The following PROSER1 variants were observed in gnomAD, a reference collection of about 807,000 sequenced individuals.
The protein encoded by PROSER1 is proline and serine-rich protein 1.
PROSER1 carries 36 observed loss-of-function variants against 71.8 expected under a neutral mutation model. The ratio of observed to expected loss-of-function variants is 0.50; its 90% CI spans 0.38 to 0.66. The LOEUF is 0.66. Among genes scored for constraint, PROSER1 ranks in the 30% least tolerant of loss-of-function variants. PROSER1 has a pLI of 0.00. For missense variants in PROSER1, 1,107 were observed against 1,135.0 expected (o/e 0.98, Z 0.35); for synonymous variants, 490 against 452.4 (o/e 1.08, Z -1.06).
In PROSER1 at chr13:39,026,348, A is replaced by G; in HGVS notation, c.409T>C (p.Ser137Pro). ...GGCKAPHAMI[S>P]SCGTIPGNPY... ...TTTCCTGGGATTGTTCCACAAGAAGATATCATAGCATGAGGAGCTTTGCAG... is the reference window on the plus strand; with the variant it reads ...TTTCCTGGGATTGTTCCACAAGAAGGTATCATAGCATGAGGAGCTTTGCAG... The change falls in exon 6 of 13, where the codon TCT becomes CCT. Residue 137 changes from serine to proline, a missense_variant. Transcript: ENST00000352251. The G allele has an allele frequency of 6.2e-7, 1 of 1,612,472 alleles. No homozygotes were observed. Among genetic ancestry groups the G allele is most frequent in the Non-Finnish European group, 8.5e-7 (1 of 1,179,552 alleles).
chr13:39,035,601 A>T (rs1871063479), intron 1 of PROSER1, among the ~76,000 whole-genome samples: 1 of 152,116 alleles, frequency 6.6e-6, no homozygotes, highest in African/African-American at 2.4e-5. Flanking sequence ...TTTTTGAATA[A>T]TCAGTTAACC....
In PROSER1 at chr13:39,011,272, G is replaced by A. The variant is rs559827838; in HGVS notation, c.*93C>T. 2.7e-5 allele frequency: 36 copies of A among 1,333,484 alleles called. No individual in the cohort carries two copies. The African/African-American group carries it at 3.4e-4, about 13-fold the overall frequency. The allele number at this position is 1,333,484 out of a possible 1,614,324, so 82.6% of individuals were successfully genotyped here. On this transcript the variant is annotated 3_prime_UTR_variant, in exon 13 of 13. Transcript: ENST00000352251. ...AGGATTACCCTCATTCTCATTTTCCGACTTTTGGCCAGCTTCACATTTGTC... is the reference window on the plus strand; with the variant it reads ...AGGATTACCCTCATTCTCATTTTCCAACTTTTGGCCAGCTTCACATTTGTC...
rs768161028 is a variant in PROSER1 at position 39,011,129 on chromosome 13, C to T, written c.*236G>A. On this transcript the variant is annotated 3_prime_UTR_variant, in exon 13 of 13. Transcript: ENST00000352251. Reference sequence around the variant, plus strand: ...AAATTTTATAGGACAGGTGAAAAGTCTCCAAACACTTTTTAAATACCATTC... The same window carrying T: ...AAATTTTATAGGACAGGTGAAAAGTTTCCAAACACTTTTTAAATACCATTC... 2.2e-6 allele frequency: 1 copy of T among 454,306 alleles called. No homozygotes were observed. Among genetic ancestry groups the T allele is most frequent in the South Asian group, 2.6e-5 (1 of 38,396 alleles). 28.1% of individuals were successfully genotyped at this position (454,306 alleles called of 1,614,324 possible). A position where few individuals can be genotyped will look rare whatever the true frequency, so the allele number is the denominator to read the frequency against.
At chr13:39,014,574 T>C in intron 10 of PROSER1, 98 bp from the exon 11 acceptor site, 1 of 861,942 alleles carries the variant, frequency 1.2e-6, no homozygotes, top group South Asian at 1.8e-5. Context: ...ATTTAACAAA[T>C]ACCAAATAAA....
Position 39,013,697 on chromosome 13 carries a change from A to T in PROSER1, c.1555T>A (p.Tyr519Asn), listed in dbSNP as rs779099488. The T allele has an allele frequency of 2.5e-6, 4 of 1,614,194 alleles. No individual in the cohort carries two copies. The highest frequency in any genetic ancestry group is 3.4e-6 in the Non-Finnish European group (4 of 1,180,028). The change falls in exon 11 of 13, where the codon TAT (tyrosine) becomes AAT (asparagine). Residue 519 changes from tyrosine (Y) to asparagine (N), a missense_variant. Transcript: ENST00000352251. ...GGGGTAGGGATGGCTGATGGGGCAT[A>T]GCACTTGTTAGGGGCTGAAGCAGAA... ...DSSASAPNKC[Y>N]APSAIPTPQR...
chr13:39,013,395 G>C lies in PROSER1; in HGVS notation c.1857C>G (p.Phe619Leu), dbSNP rs1263072965. The C allele has an allele frequency of 6.2e-7, 1 of 1,614,166 alleles. No homozygotes were observed. ...TEPTSPTPSA[F>L]KGPSHSGNPS... ...GATTCCCAGAATGAGATGGACCTTT[G>C]AAGGCCGAGGGAGTAGGACTTGTGG... Residue 619 changes from phenylalanine (F) to leucine (L), a missense_variant, in exon 11 of 13, where the codon TTC (phenylalanine) becomes TTG (leucine). Transcript: ENST00000352251.
In PROSER1 at chr13:39,012,111, G is replaced by A. The variant is rs754427364; in HGVS notation, c.2684C>T (p.Ala895Val). Residue 895 changes from alanine to valine, a missense_variant, in exon 12 of 13, where the codon GCG (alanine) becomes GTG (valine). Coordinates refer to ENST00000352251, the MANE Select transcript of PROSER1 (RefSeq NM_025138.5). Reference protein sequence around the residue: ...QSSLQELQHNAAAQSALLQQV... With the variant: ...QSSLQELQHNVAAQSALLQQV... ...CTGTAACAATGCTGACTGCGCAGCC[G>A]CATTATGCTGTAATTCTTGCAAGGA... 62 of 1,613,924 alleles carry A rather than the reference G, an allele frequency of 3.8e-5. No homozygotes were observed. The Middle Eastern group carries it at 4.9e-4, about 13-fold the overall frequency.
chr13:39,014,711 AG>A (rs1245831893), intron 10 of PROSER1, among the ~76,000 whole-genome samples: 3 of 152,172 alleles, frequency 2.0e-5, no homozygotes, highest in African/African-American at 7.2e-5. Flanking sequence ...TCCAAATCAC[AG>A]GAAGTTTTGA....
At chr13:39,024,828 C>G (rs1379206126) in intron 6 of PROSER1, among the ~76,000 whole-genome samples, 5 of 152,036 alleles carry the variant, frequency 3.3e-5, no homozygotes, top group Admixed American at 3.3e-4. Context: ...ATAAGGTATC[C>G]ACAGGGACTG....
At position 39,031,640 on chromosome 13, in the gene PROSER1, A is replaced by G. The variant is rs1870848812; in HGVS notation, c.112-9T>C. 3.1e-6 allele frequency: 5 copies of G among 1,611,118 alleles called. No individual in the cohort carries two copies. The Admixed American group carries it at 6.7e-5, about 22-fold the overall frequency. On this transcript the variant is annotated splice_polypyrimidine_tract_variant and intron_variant, in intron 2 of 12. Coordinates refer to ENST00000352251, the MANE Select transcript of PROSER1 (RefSeq NM_025138.5). ...CTCAGCAAATCAACCACCTGAAAAC[A>G]AAGAACTAACAGCTCTAATGACAGC...
intron 1 of PROSER1, among the ~76,000 whole-genome samples, chr13:39,034,682 T>C (rs948704021): frequency 1.3e-5 from 2 of 152,188 alleles, no homozygotes; most frequent in Non-Finnish European, 2.9e-5. Flanking sequence ...TATAGGGACA[T>C]AAGAATGCAA....
chr13:39,033,640 T>C (rs1870964082), intron 2 of PROSER1, among the ~76,000 whole-genome samples: 1 of 152,242 alleles, frequency 6.6e-6, no homozygotes, highest in East Asian at 1.9e-4. Context: ...TAAACTATCA[T>C]GCTTAAAATG....
rs1869694232 is a variant in PROSER1, at chr13:39,012,163, C to T, written c.2632G>A (p.Gly878Arg). The T allele has an allele frequency of 6.2e-7, 1 of 1,614,150 alleles. No homozygotes were observed. Among genetic ancestry groups the T allele is most frequent in the African/African-American group, 1.3e-5 (1 of 75,046 alleles). The change falls in exon 12 of 13, where the codon GGG (glycine) becomes AGG (arginine). Residue 878 changes from glycine to arginine, a missense_variant. Physicochemically the swap from Gly to Arg is moderately radical, Grantham distance 125. Transcript: ENST00000352251. ...GATTGTGAAGGATTCTGAGGAAACCCAGGGATACCCGGGAGGGACAAAAGG... is the reference window on the plus strand; with the variant it reads ...GATTGTGAAGGATTCTGAGGAAACCTAGGGATACCCGGGAGGGACAAAAGG... ...PGLLSLPGIP[G>R]FPQNPSQSSL...
rs1566022688 is a variant in PROSER1, at chr13:39,014,440, TGAG to T, written c.809_811del (p.Pro270del). ...AGCAGGTGTTGAAGGATTAGAACCA[TGAG>T]GAGAAAAGAGTTGACTTGCTGGGGT... On this transcript the variant is annotated inframe_deletion, in exon 11 of 13. Transcript: ENST00000352251. 6.2e-7 allele frequency: 1 copy of T among 1,613,034 alleles called. No homozygotes were observed. Among genetic ancestry groups the T allele is most frequent in the East Asian group, 2.2e-5 (1 of 44,854 alleles).
At chr13:39,014,878 A>G (rs1170898178) in intron 10 of PROSER1, among the ~76,000 whole-genome samples, 1 of 152,214 alleles carries the variant, frequency 6.6e-6, no homozygotes. Flanking sequence ...CTTTCAGAAC[A>G]TGGCTTCCCT....
chr13:39,032,692 T>TTAA (rs1417998345), intron 2 of PROSER1, among the ~76,000 whole-genome samples: 3 of 152,318 alleles, frequency 2.0e-5, no homozygotes, highest in Admixed American at 2.0e-4. Context: ...AATAATGTTC[T>TTAA]TAATATCTAA....
Position 39,023,077 on chromosome 13 carries a change from G to C in PROSER1, c.618C>G (p.Cys206Trp). 1.2e-6 allele frequency: 2 copies of C among 1,613,054 alleles called. No homozygotes were observed. Among genetic ancestry groups the C allele is most frequent in the Middle Eastern group, 1.7e-4 (1 of 6,054 alleles). ...HKPVPYPIPP[C>W]RPHATIAPSA... The stretch of plus-strand genomic sequence containing the variant: ...TTGGTGCAATAGTTGCATGTGGTCG[G>C]CATGGAGGTATCGGATAAGGAACAG... Residue 206 changes from cysteine to tryptophan, a missense_variant, in exon 8 of 13, where the codon TGC (cysteine) becomes TGG (tryptophan). By Grantham distance (215) the Cys-to-Trp change is radical (BLOSUM62 -2). Coordinates refer to ENST00000352251, the MANE Select transcript of PROSER1 (RefSeq NM_025138.5).
At chr13:39,035,940 C>G (rs866365177) in intron 1 of PROSER1, among the ~76,000 whole-genome samples, 1 of 152,204 alleles carries the variant, frequency 6.6e-6, no homozygotes, top group Non-Finnish European at 1.5e-5. Flanking sequence ...GTTGCCATCT[C>G]ATGTGAACAA....
At position 39,011,285 on chromosome 13, in the gene PROSER1, C is replaced by A. The variant is rs138890028; in HGVS notation, c.*80G>T. On this transcript the variant is annotated 3_prime_UTR_variant, in exon 13 of 13. Coordinates refer to ENST00000352251, the MANE Select transcript of PROSER1 (RefSeq NM_025138.5). ...TTCTCATTTTCCGACTTTTGGCCAGCTTCACATTTGTCAGATTGTTCATTG... is the reference window on the plus strand; with the variant it reads ...TTCTCATTTTCCGACTTTTGGCCAGATTCACATTTGTCAGATTGTTCATTG... The A allele has an allele frequency of 8.4e-4, 1,219 of 1,445,928 alleles. 7 individuals are homozygous for A. The African/African-American group carries it at 0.014, about 17-fold the overall frequency. 89.6% of individuals were successfully genotyped at this position (1,445,928 alleles called of 1,614,324 possible). A position where few individuals can be genotyped will look rare whatever the true frequency, so the allele number is the denominator to read the frequency against.
Sources: gnomAD v4.1 joint callset for allele counts (sites outside exome capture counted in the v4.1 genomes callset) on GRCh38, gnomAD v4.1.1 for gene constraint, MANE v1.5 for transcripts, NCBI Gene and HGNC (gene_info 2026-07-23, HGNC 2026-07-21) for gene names.